Variants in SRFBP1 observed in about 807,000 individuals in gnomAD.
The protein encoded by SRFBP1 is serum response factor-binding protein 1.
SRFBP1 carries 47 observed loss-of-function variants against 45.5 expected under a neutral mutation model. The ratio of observed to expected loss-of-function variants is 1.03; its 90% confidence interval spans 0.82 to 1.32. The LOEUF (loss-of-function observed/expected upper bound fraction) is 1.32, where lower values mean the gene tolerates loss of function less well. Among genes scored for constraint, SRFBP1 ranks in the 40% most tolerant of loss-of-function variants. The pLI is 0.00. For synonymous variants in SRFBP1, 203 were observed against 166.3 expected (o/e 1.22, Z -1.70); for missense variants, 621 against 484.6 (o/e 1.28, Z -2.64).
At chr5:122,057,263 G>A (rs1215240671) in intron 2 of SRFBP1, among the ~76,000 whole-genome samples, 1 of 152,042 alleles carries the variant, frequency 6.6e-6, no homozygotes, top group Non-Finnish European at 1.5e-5. Context: ...CAATGTTTTG[G>A]CTTTTCTCAT....
chr5:122,076,816 T>C, downstream of SRFBP1: 1 of 1,269,254 alleles, frequency 7.9e-7, no homozygotes. Flanking sequence ...CGCGAAGCAG[T>C]AGCAGTCAGA....
At chr5:122,056,145 C>T (rs1432573541) in intron 2 of SRFBP1, among the ~76,000 whole-genome samples, 3 of 152,150 alleles carry the variant, frequency 2.0e-5, no homozygotes, top group Non-Finnish European at 2.9e-5. Context: ...TTTGACTGCC[C>T]GTTCTATCTT....
At chr5:122,008,313 A>G (rs1259747145) in intron 4 of SRFBP1, among the ~76,000 whole-genome samples, 1 of 151,902 alleles carries the variant, frequency 6.6e-6, no homozygotes, top group African/African-American at 2.4e-5. Context: ...GGACTGCGGC[A>G]TTCAACCTAG....
chr5:122,032,105 G>T (rs542900705), downstream of SRFBP1, among the ~76,000 whole-genome samples: 1 of 152,254 alleles, frequency 6.6e-6, no homozygotes, highest in African/African-American at 2.4e-5. Flanking sequence ...CTTTAAAAGG[G>T]TGAATATTGT....
At chr5:121,975,409 T>TA in intron 3 of SRFBP1, 22 bp downstream of exon 3, 1 of 1,612,128 alleles carries the variant, frequency 6.2e-7, no homozygotes, top group East Asian at 2.2e-5. Flanking sequence ...TGTGGGTGTG[T>TA]ATGTGTGTAT....
intron 4 of SRFBP1, among the ~76,000 whole-genome samples, chr5:122,009,579 T>C (rs974538263): frequency 2.0e-5 from 3 of 152,168 alleles, no homozygotes; most frequent in African/African-American, 7.2e-5. Context: ...TTCAGATGAG[T>C]AGAAGGATAG....
chr5:121,978,986 T>A (rs113985193), intron 3 of SRFBP1, among the ~76,000 whole-genome samples: 1 of 152,214 alleles, frequency 6.6e-6, no homozygotes, highest in Non-Finnish European at 1.5e-5. Context: ...AAATCTATTA[T>A]TAAAATCATC....
intron 7 of SRFBP1, among the ~76,000 whole-genome samples, chr5:122,023,534 A>G (rs566297340): frequency 1.3e-5 from 2 of 152,360 alleles, no homozygotes; most frequent in Admixed American, 1.3e-4. Context: ...AATGGAAGGC[A>G]CACAACAGGT....
chr5:122,000,132 T>C (rs1752827041), intron 4 of SRFBP1, among the ~76,000 whole-genome samples: 1 of 152,108 alleles, frequency 6.6e-6, no homozygotes, highest in African/African-American at 2.4e-5. Context: ...GTTCATAATA[T>C]ACACCTTTAA....
chr5:122,022,294 C>T, intron 6 of SRFBP1, 76 bp from the exon 7 acceptor site: 1 of 1,283,266 alleles, frequency 7.8e-7, no homozygotes, highest in Non-Finnish European at 1.1e-6. Context: ...GTTTTATCAT[C>T]AATTTTGTTA....
intron 4 of SRFBP1, among the ~76,000 whole-genome samples, chr5:122,012,551 G>A (rs1431319344): frequency 6.6e-6 from 1 of 151,794 alleles, no homozygotes; most frequent in Non-Finnish European, 1.5e-5. Flanking sequence ...TTCTACTCCC[G>A]TAATTGCAAG....
chr5:121,993,150 T>A (rs1272983817), intron 3 of SRFBP1, among the ~76,000 whole-genome samples: 10 of 152,156 alleles, frequency 6.6e-5, no homozygotes, highest in Admixed American at 5.9e-4. Context: ...CTATATATCT[T>A]TTAAATATAT....
intron 7 of SRFBP1, among the ~76,000 whole-genome samples, chr5:122,022,973 T>C (rs1239746053): frequency 6.6e-6 from 1 of 152,200 alleles, no homozygotes; most frequent in Non-Finnish European, 1.5e-5. Flanking sequence ...TCAGGCTTCT[T>C]CCATCTTTTG....
intron 2 of SRFBP1, among the ~76,000 whole-genome samples, chr5:122,034,150 T>C (rs963904411): frequency 6.6e-6 from 1 of 152,292 alleles, no homozygotes. Context: ...AAATAATTGT[T>C]TTAGGTGTTT....
intron 3 of SRFBP1, among the ~76,000 whole-genome samples, chr5:121,980,875 C>T (rs1241111207): frequency 6.6e-6 from 1 of 152,174 alleles, no homozygotes; most frequent in African/African-American, 2.4e-5. Flanking sequence ...TCTCTCCCTT[C>T]TGGGCTTACC....
chr5:122,018,976 A>G (rs1187400067), intron 4 of SRFBP1, among the ~76,000 whole-genome samples: 3 of 152,138 alleles, frequency 2.0e-5, no homozygotes, highest in African/African-American at 2.4e-5. Flanking sequence ...GATGTTACAC[A>G]TGGTGCTTAT....
intron 4 of SRFBP1, among the ~76,000 whole-genome samples, chr5:121,999,531 A>C (rs1053020539): frequency 1.3e-5 from 2 of 151,994 alleles, no homozygotes; most frequent in Non-Finnish European, 2.9e-5. Flanking sequence ...CTTTATTAAG[A>C]GGTACGTTGG....
At chr5:122,015,077 C>T (rs974920609) in intron 4 of SRFBP1, among the ~76,000 whole-genome samples, 6 of 152,116 alleles carry the variant, frequency 3.9e-5, no homozygotes, top group African/African-American at 1.4e-4. Context: ...CTGAAAGAAG[C>T]AGTAAAAGGT....
chr5:122,073,670 C>T (rs1020671016), intron 2 of SRFBP1, among the ~76,000 whole-genome samples: 1 of 152,122 alleles, frequency 6.6e-6, no homozygotes, highest in Non-Finnish European at 1.5e-5. Flanking sequence ...TGGACTGTAA[C>T]AAGGACCCAC....
Sources: gnomAD v4.1 joint callset for allele counts (sites outside exome capture counted in the v4.1 genomes callset) on GRCh38, gnomAD v4.1.1 for gene constraint, MANE v1.5 for transcripts, NCBI Gene and HGNC (gene_info 2026-07-23, HGNC 2026-07-21) for gene names.